The following SH3RF3 variants were observed in gnomAD, a reference collection of about 807,000 sequenced individuals.
SH3RF3 encodes the protein E3 ubiquitin-protein ligase SH3RF3.
A neutral mutation model predicts 66.3 loss-of-function variants in SH3RF3; 29 were observed. The ratio of observed to expected loss-of-function variants is 0.44; its 90% confidence interval spans 0.33 to 0.60. The LOEUF (loss-of-function observed/expected upper bound fraction) is 0.60. Among genes scored for constraint, SH3RF3 ranks in the 20% least tolerant of loss-of-function variants. The pLI is 0.04. For synonymous variants in SH3RF3, 583 were observed against 532.0 expected (o/e 1.10, Z -1.32); for missense variants, 1,194 against 1,190.9 (o/e 1.00, Z -0.04).
chr2:109,431,952 T>G (rs1179243218), intron 5 of SH3RF3, among the ~76,000 whole-genome samples: 1 of 152,198 alleles, frequency 6.6e-6, no homozygotes, highest in Non-Finnish European at 1.5e-5. Context: ...CTTAACCACC[T>G]TTCCCTTAAA....
At chr2:109,232,651 A>G (rs1012243657) in intron 1 of SH3RF3, among the ~76,000 whole-genome samples, 1 of 152,116 alleles carries the variant, frequency 6.6e-6, no homozygotes, top group Non-Finnish European at 1.5e-5. Context: ...GGGGTGATTG[A>G]TTAACAATGT....
intron 8 of SH3RF3, among the ~76,000 whole-genome samples, chr2:109,452,400 T>G (rs527523980): frequency 3.0e-4 from 45 of 152,318 alleles, no homozygotes; most frequent in Admixed American, 6.5e-4. Flanking sequence ...TATTCTCCAG[T>G]CTGTTTCTGT....
rs184134284 is a variant in SH3RF3, at chr2:109,245,424, A to G, written c.574-102250A>G. 3.3e-5 allele frequency among the ~76,000 whole-genome samples: 5 copies of G among 152,334 alleles called. No individual in the cohort carries two copies. The East Asian group carries it at 9.6e-4, about 29-fold the overall frequency. Reference sequence around the variant, plus strand: ...GTTTCTTTGTGGTTTTTGTCTGGATATTCAGACCCTCAGAGTCTGGCAAAA... The same window carrying G: ...GTTTCTTTGTGGTTTTTGTCTGGATGTTCAGACCCTCAGAGTCTGGCAAAA... On this transcript the variant is annotated intron_variant, in intron 1 of 9. Transcript: ENST00000309415.
At chr2:109,181,861 A>G (rs549595053) in intron 1 of SH3RF3, among the ~76,000 whole-genome samples, 1 of 152,124 alleles carries the variant, frequency 6.6e-6, no homozygotes, top group East Asian at 1.9e-4. Flanking sequence ...CCATCCTGGC[A>G]GGAATTAGGT....
chr2:109,359,665 ATT>A (rs910054967), intron 2 of SH3RF3, among the ~76,000 whole-genome samples: 1 of 152,140 alleles, frequency 6.6e-6, no homozygotes, highest in African/African-American at 2.4e-5. Flanking sequence ...AAAATCCAAA[ATT>A]TTTTGAGCAC....
chr2:109,287,925 C>T, intron 1 of SH3RF3, among the ~76,000 whole-genome samples: 1 of 152,242 alleles, frequency 6.6e-6, no homozygotes, highest in East Asian at 1.9e-4. Flanking sequence ...TCTCTACATC[C>T]AGGACCTGCC....
At chr2:109,275,594 C>T (rs891025790) in intron 1 of SH3RF3, among the ~76,000 whole-genome samples, 7 of 152,190 alleles carry the variant, frequency 4.6e-5, no homozygotes, top group African/African-American at 1.7e-4. Context: ...CCGCACCCGC[C>T]GTGCTTCTGC....
intron 1 of SH3RF3, among the ~76,000 whole-genome samples, chr2:109,297,228 T>G (rs1681334691): frequency 6.6e-6 from 1 of 151,976 alleles, no homozygotes; most frequent in African/African-American, 2.4e-5. Flanking sequence ...ATTCAGCTGT[T>G]TTTCATTGAC....
At chr2:109,389,763 TATGTATAATG>T in intron 3 of SH3RF3, among the ~76,000 whole-genome samples, 1 of 152,218 alleles carries the variant, frequency 6.6e-6, no homozygotes, top group Non-Finnish European at 1.5e-5. Flanking sequence ...ACACATTACA[TATGTATAATG>T]CGAGTGATCA....
chr2:109,450,276 G>A (rs1312582861), intron 8 of SH3RF3, among the ~76,000 whole-genome samples: 1 of 152,120 alleles, frequency 6.6e-6, no homozygotes, highest in East Asian at 1.9e-4. Flanking sequence ...AAACCGGGGG[G>A]CAGAGCCTGC....
At chr2:109,131,530 G>A (rs535629967) in intron 1 of SH3RF3, among the ~76,000 whole-genome samples, 1 of 152,094 alleles carries the variant, frequency 6.6e-6, no homozygotes, top group Non-Finnish European at 1.5e-5. Context: ...CTAGTAAAAC[G>A]CTGGGACATT....
chr2:109,197,911 G>T (rs1416360545), intron 1 of SH3RF3, among the ~76,000 whole-genome samples: 3 of 152,254 alleles, frequency 2.0e-5, no homozygotes, highest in Non-Finnish European at 4.4e-5. Context: ...ATCCCACAGA[G>T]TATGTAGCTG....
intron 1 of SH3RF3, among the ~76,000 whole-genome samples, chr2:109,275,543 G>C (rs900623006): frequency 6.6e-6 from 1 of 152,200 alleles, no homozygotes; most frequent in Non-Finnish European, 1.5e-5. Context: ...AAGCGTCACA[G>C]GAAATGTGCA....
intron 1 of SH3RF3, among the ~76,000 whole-genome samples, chr2:109,275,213 A>T (rs373559297): frequency 1.3e-5 from 2 of 152,282 alleles, no homozygotes; most frequent in African/African-American, 4.8e-5. Flanking sequence ...TTTGCTGCAT[A>T]CAGTGAGGCC....
At chr2:109,244,957 T>G (rs1229592855) in intron 1 of SH3RF3, among the ~76,000 whole-genome samples, 1 of 152,218 alleles carries the variant, frequency 6.6e-6, no homozygotes, top group African/African-American at 2.4e-5. Flanking sequence ...TGAGACTTGA[T>G]CAGGTGCCAG....
intron 5 of SH3RF3, among the ~76,000 whole-genome samples, chr2:109,425,669 G>C (rs1451297540): frequency 3.3e-5 from 5 of 151,224 alleles, no homozygotes; most frequent in African/African-American, 1.2e-4. Context: ...CCTGAATATT[G>C]TAAGTCCATT....
At chr2:109,317,070 C>G (rs1337635485) in intron 1 of SH3RF3, among the ~76,000 whole-genome samples, 1 of 152,152 alleles carries the variant, frequency 6.6e-6, no homozygotes, top group Non-Finnish European at 1.5e-5. Context: ...ATCTTGGTGG[C>G]TTCCGCATTC....
At chr2:109,499,762 T>G (rs1047694857) in intron 9 of SH3RF3, among the ~76,000 whole-genome samples, 3 of 151,764 alleles carry the variant, frequency 2.0e-5, no homozygotes, top group East Asian at 1.9e-4. Flanking sequence ...AGCAGGGGGG[T>G]GTGTGTGTAT....
intron 4 of SH3RF3, among the ~76,000 whole-genome samples, chr2:109,402,539 C>T (rs993214885): frequency 8.5e-5 from 13 of 152,212 alleles, no homozygotes; most frequent in South Asian, 2.1e-4. Context: ...CCAGGCTCCT[C>T]GGTGCCTACA....
Sources: gnomAD v4.1 joint callset for allele counts (sites outside exome capture counted in the v4.1 genomes callset) on GRCh38, gnomAD v4.1.1 for gene constraint, MANE v1.5 for transcripts, NCBI Gene and HGNC (gene_info 2026-07-23, HGNC 2026-07-21) for gene names.